Variants in RBM33 observed in about 807,000 individuals in gnomAD.
RBM33 encodes the protein RNA binding motif protein 33.
Under a neutral mutation model 132.6 loss-of-function variants are expected in RBM33, and 28 were observed. The ratio of observed to expected loss-of-function variants is 0.21; its 90% CI spans 0.16 to 0.29. The LOEUF is 0.29. Among genes scored for constraint, RBM33 ranks in the 10% least tolerant of loss-of-function variants. The probability of loss-of-function intolerance (pLI) is 1.00; values close to 1 mark genes in which losing one functional copy is unlikely to be tolerated. For synonymous variants in RBM33, 634 were observed against 593.0 expected, an observed-to-expected ratio of 1.07 and a Z score of -1.01; for missense variants, 1,291 against 1,518.5, an observed-to-expected ratio of 0.85 and a Z score of 2.49.
At position 155,672,864 on chromosome 7, in the gene RBM33, A is replaced by G; in HGVS notation, c.123-3A>G. ...TTGACATGTCTCTTTTTTTTCTCCC[A>G]AGTGAACTTGAAGATGATTTACTTG... On this transcript the variant is annotated splice_region_variant and splice_polypyrimidine_tract_variant and intron_variant, in intron 2 of 17. Coordinates refer to ENST00000401878, the MANE Select transcript of RBM33 (RefSeq NM_053043.3). The G allele has an allele frequency of 6.5e-7, 1 of 1,546,078 alleles. No individual in the cohort carries two copies. Among genetic ancestry groups the G allele is most frequent in the South Asian group, 1.2e-5 (1 of 83,180 alleles).
chr7:155,716,316 G>GTTTTTTT lies in RBM33; in HGVS notation c.1202-2059_1202-2053dup, dbSNP rs59289310. ...TGTCAGCTGTTTTTCCTTTTCTGCT[G>GTTTTTTT]TTTTTTTTTTTTTTTTAAATAGGGA... On this transcript the variant is annotated intron_variant, in intron 8 of 17. Coordinates refer to ENST00000401878, the MANE Select transcript of RBM33 (RefSeq NM_053043.3). Among the ~76,000 whole-genome samples the GTTTTTTT allele has an allele frequency of 7.6e-3, 775 of 102,346 alleles. 33 individuals carry two copies. The highest frequency in any genetic ancestry group is 0.019 in the Admixed American group (193 of 10,244). The allele number at this position is 102,346 out of a possible 152,430, so 67.1% of individuals were successfully genotyped here.
chr7:155,675,024 A>G (rs1175489910), intron 3 of RBM33, among the ~76,000 whole-genome samples: 1 of 152,182 alleles, frequency 6.6e-6, no homozygotes, highest in Non-Finnish European at 1.5e-5. Flanking sequence ...ACCAAAATAT[A>G]GGCTGGGCAT....
At chr7:155,717,106 C>T (rs1277395772) in intron 8 of RBM33, among the ~76,000 whole-genome samples, 1 of 152,168 alleles carries the variant, frequency 6.6e-6, no homozygotes, top group Non-Finnish European at 1.5e-5. Flanking sequence ...ACCTGTATTT[C>T]ACATTTAGCA....
intron 5 of RBM33, among the ~76,000 whole-genome samples, chr7:155,681,316 G>A (rs374742790): frequency 3.3e-5 from 5 of 152,324 alleles, no homozygotes; most frequent in Middle Eastern, 3.4e-3. Context: ...ATATTCCAGA[G>A]TGATTGATGT....
chr7:155,653,577 C>T (rs1373111070), intron 1 of RBM33, among the ~76,000 whole-genome samples: 1 of 66,140 alleles, frequency 1.5e-5, no homozygotes, highest in Admixed American at 1.1e-4. Flanking sequence ...CAGCCTCCCT[C>T]GAGGGGAGGG....
At chr7:155,767,515 T>TTAA (rs1248444520) in intron 16 of RBM33, among the ~76,000 whole-genome samples, 1 of 152,248 alleles carries the variant, frequency 6.6e-6, no homozygotes, top group East Asian at 1.9e-4. Flanking sequence ...TGGAAACATG[T>TTAA]TAACACTAGG....
intron 1 of RBM33, among the ~76,000 whole-genome samples, chr7:155,659,202 C>T (rs1350767369): frequency 1.3e-5 from 2 of 152,022 alleles, no homozygotes; most frequent in Non-Finnish European, 2.9e-5. Flanking sequence ...TAAAATACTA[C>T]ATTGTATAGA....
intron 5 of RBM33, 123 bp downstream of exon 5, chr7:155,681,031 C>G (rs767697135): frequency 8.2e-6 from 6 of 736,026 alleles, no homozygotes; most frequent in Admixed American, 2.9e-5. Context: ...TATTATCACT[C>G]TCTGCCAGTT....
At chr7:155,716,963 A>T (rs1250110018) in intron 8 of RBM33, among the ~76,000 whole-genome samples, 1 of 152,154 alleles carries the variant, frequency 6.6e-6, no homozygotes, top group Non-Finnish European at 1.5e-5. Context: ...TATCACTTGA[A>T]ATTGAAGTGT....
intron 4 of RBM33, among the ~76,000 whole-genome samples, chr7:155,680,118 A>G (rs1799296883): frequency 1.3e-5 from 2 of 152,246 alleles, no homozygotes; most frequent in South Asian, 4.1e-4. Context: ...ATGTAAGAAA[A>G]AAATTGTTCT....
chr7:155,728,975 G>A (rs1017214478), intron 9 of RBM33, among the ~76,000 whole-genome samples: 1 of 152,142 alleles, frequency 6.6e-6, no homozygotes, highest in Non-Finnish European at 1.5e-5. Flanking sequence ...GTATTAGTCT[G>A]TTTTCATACT....
Position 155,700,798 on chromosome 7 carries a change from A to T in RBM33, c.593A>T (p.Gln198Leu). ...FTGGMETLEL[Q>L]KDIKEESDEE... The stretch of plus-strand genomic sequence containing the variant: ...GGAGGTATGGAAACATTGGAACTTC[A>T]AAAGGACATCAAAGAAGAATCAGAT... Residue 198 changes from glutamine to leucine, a missense_variant, in exon 6 of 18, where the codon CAA (glutamine) becomes CTA (leucine). Coordinates refer to ENST00000401878, the MANE Select transcript of RBM33 (RefSeq NM_053043.3). 1 of 1,575,748 alleles carries T rather than the reference A, an allele frequency of 6.3e-7. No homozygotes were observed. The highest frequency in any genetic ancestry group is 2.3e-5 in the East Asian group (1 of 43,484).
chr7:155,711,554 G>A (rs1800299617), intron 8 of RBM33, 99 bp downstream of exon 8: 3 of 688,776 alleles, frequency 4.4e-6, no homozygotes, highest in East Asian at 3.4e-5. Flanking sequence ...CTTCATGAGT[G>A]TGTGAAAGCA....
chr7:155,736,951 A>G (rs1801143576), intron 9 of RBM33, among the ~76,000 whole-genome samples: 1 of 152,230 alleles, frequency 6.6e-6, no homozygotes, highest in Non-Finnish European at 1.5e-5. Flanking sequence ...AATATTGCAG[A>G]ATCACCTGTT....
chr7:155,739,842 C>G lies in RBM33; in HGVS notation c.1865C>G (p.Pro622Arg), dbSNP rs1276383938. The change falls in exon 12 of 18, where the codon CCA (proline) becomes CGA (arginine). Residue 622 changes from proline to arginine, a missense_variant. This residue lies in a region of RBM33 where 841 missense variants were observed against 912.0 expected (regional missense o/e 0.92). Coordinates refer to ENST00000401878, the MANE Select transcript of RBM33 (RefSeq NM_053043.3). The stretch of plus-strand genomic sequence containing the variant: ...CAGCCCCCGCCCCAGCACCAGCCCC[C>G]ACCCCAGCACCCACCACAGCACCCG... ...PHQPPPQHQPPPQHPPQHPPQ... is the reference protein window; with the variant it reads ...PHQPPPQHQPRPQHPPQHPPQ... 1.4e-6 allele frequency: 2 copies of G among 1,450,118 alleles called. No homozygotes were observed. The highest frequency in any genetic ancestry group is 4.0e-5 in the Admixed American group (2 of 49,660). The allele number at this position is 1,450,118 out of a possible 1,614,324, so 89.8% of individuals were successfully genotyped here.
At chr7:155,724,040 T>A (rs1800705155) in intron 9 of RBM33, among the ~76,000 whole-genome samples, 2 of 152,226 alleles carry the variant, frequency 1.3e-5, no homozygotes, top group Admixed American at 6.5e-5. Flanking sequence ...TAATTTAGCC[T>A]GTGAAATGTT....
intron 9 of RBM33, among the ~76,000 whole-genome samples, chr7:155,725,206 T>G (rs1468959477): frequency 1.6e-4 from 12 of 75,906 alleles, no homozygotes; most frequent in East Asian, 4.1e-4. Flanking sequence ...TTTAGTTGTT[T>G]TTTTTTTTTT....
At chr7:155,723,968 G>A (rs985375193) in intron 9 of RBM33, among the ~76,000 whole-genome samples, 4 of 151,962 alleles carry the variant, frequency 2.6e-5, no homozygotes, top group Admixed American at 6.6e-5. Context: ...AATTCTCTTC[G>A]GATATAGAGT....
Position 155,781,232 on chromosome 7 carries a change from A to AT in RBM33, c.*6192dup, listed in dbSNP as rs1802823428. Reference sequence around the variant, plus strand: ...GTGCGTTTCTCTGGGTTTGATCTCCATCCTGTTTTCTCCCAGACACACCAC... The same window carrying AT: ...GTGCGTTTCTCTGGGTTTGATCTCCATTCCTGTTTTCTCCCAGACACACCAC... On this transcript the variant is annotated 3_prime_UTR_variant, in exon 18 of 18. Transcript: ENST00000401878. 6.6e-6 allele frequency: 1 copy of AT among 152,394 alleles called. No homozygotes were observed. Among genetic ancestry groups the AT allele is most frequent in the African/African-American group, 2.4e-5 (1 of 41,456 alleles). The allele number at this position is 152,394 out of a possible 1,614,324, so 9.4% of individuals were successfully genotyped here.
Sources: allele counts gnomAD v4.1 joint callset (sites outside exome capture counted in the v4.1 genomes callset), GRCh38; gene constraint gnomAD v4.1.1; regional missense constraint gnomAD v4.1.1; transcripts MANE v1.5; gene names NCBI Gene and HGNC (gene_info 2026-07-23, HGNC 2026-07-21).